The following HOXD11 variants were observed in gnomAD, a reference collection of about 807,000 sequenced individuals.
HOXD11 encodes homeobox protein Hox-D11.
A neutral mutation model predicts 23.1 loss-of-function variants in HOXD11; 16 were observed. That is an observed-to-expected ratio of 0.69 (90% CI 0.47 to 1.05). HOXD11 has a LOEUF of 1.05. HOXD11 is among the 50% of genes least tolerant of loss of function. HOXD11 has a pLI of 0.00. For synonymous variants in HOXD11, 262 were observed against 224.4 expected (o/e 1.17, Z -1.50); for missense variants, 564 against 495.6 (o/e 1.14, Z -1.31).
At chr2:176,110,591 G>A (rs1689660010), downstream of HOXD11, among the ~76,000 whole-genome samples, 1 of 152,164 alleles carries the variant, frequency 6.6e-6, no homozygotes, top group African/African-American at 2.4e-5. Flanking sequence ...GAAAAAATAA[G>A]TGCATAAATG....
chr2:176,115,163 G>C, the HOXD11 span, among the ~76,000 whole-genome samples: 1 of 152,180 alleles, frequency 6.6e-6, no homozygotes, highest in Admixed American at 6.5e-5. Flanking sequence ...TGGTAGTGGT[G>C]GTAGTGGTGG....
In HOXD11 at chr2:176,108,042, C is replaced by A; in HGVS notation, c.687C>A (p.Thr229=). ...GGGGCAGTCCCTGCACCAAGGCGAC[C>A]CCTGGCTCGGAGCCCAAGGGGGCAG... ...GGGGSPCTKA[T]PGSEPKGAAE... is the part of the protein sequence containing the mutation. Residue 229 remains threonine, a synonymous_variant, in exon 1 of 2, where the codon ACC becomes ACA. Coordinates refer to ENST00000249504, the MANE Select transcript of HOXD11 (RefSeq NM_021192.3). 2.0e-6 allele frequency: 3 copies of A among 1,490,138 alleles called. No individual in the cohort carries two copies. The highest frequency in any genetic ancestry group is 2.7e-6 in the Non-Finnish European group (3 of 1,125,774). 92.3% of individuals were successfully genotyped at this position (1,490,138 alleles called of 1,614,324 possible). A position where few individuals can be genotyped will look rare whatever the true frequency, so the allele number is the denominator to read the frequency against.
chr2:176,107,768 A>T lies in HOXD11; in HGVS notation c.413A>T (p.Asp138Val). 1 of 1,267,604 alleles carries T rather than the reference A, an allele frequency of 7.9e-7. No individual in the cohort carries two copies. Among genetic ancestry groups the T allele is most frequent in the Non-Finnish European group, 9.9e-7 (1 of 1,009,318 alleles). 78.5% of individuals were successfully genotyped at this position (1,267,604 alleles called of 1,614,324 possible). ...ELLPPAGRRP[D>V]VLFKAPEPVC... ...CTCCCGCCCGCGGGCCGCCGGCCGG[A>T]CGTGCTCTTCAAGGCGCCTGAGCCG... Residue 138 changes from aspartate to valine, a missense_variant, in exon 1 of 2, where the codon GAC (aspartate) becomes GTC (valine). Transcript: ENST00000249504.
downstream of HOXD11, among the ~76,000 whole-genome samples, chr2:176,110,659 A>G (rs893714684): frequency 3.9e-5 from 6 of 152,170 alleles, no homozygotes; most frequent in Admixed American, 3.9e-4. Flanking sequence ...CTGAATAATT[A>G]GGCGCCTTAA....
downstream of HOXD11, among the ~76,000 whole-genome samples, chr2:176,114,257 C>A (rs1057463475): frequency 6.6e-6 from 1 of 152,268 alleles, no homozygotes; most frequent in Non-Finnish European, 1.5e-5. Flanking sequence ...AAGCAAATTT[C>A]AGGGCGCTGG....
At chr2:176,108,856 G>A (rs1185894178) in intron 1 of HOXD11, 51 bp from the exon 2 acceptor site, 2 of 1,370,210 alleles carry the variant, frequency 1.5e-6, no homozygotes, top group Non-Finnish European at 2.1e-6. Flanking sequence ...CGGGCGGGTG[G>A]GGGCTGTCAG....
In HOXD11 at chr2:176,109,477, T is replaced by A; in HGVS notation, c.*335T>A. 1 of 313,330 alleles carries A rather than the reference T, an allele frequency of 3.2e-6. No homozygotes were observed. The highest frequency in any genetic ancestry group is 5.9e-6 in the Non-Finnish European group (1 of 168,496). The allele number at this position is 313,330 out of a possible 1,614,324, so 19.4% of individuals were successfully genotyped here. Reference sequence around the variant, plus strand: ...TAGGAAGTTGGGCCGGGTTGGGGGTTGCTAGAAGGCGCTGGTGTTTTGCTC... The same window carrying A: ...TAGGAAGTTGGGCCGGGTTGGGGGTAGCTAGAAGGCGCTGGTGTTTTGCTC... On this transcript the variant is annotated 3_prime_UTR_variant, in exon 2 of 2. Coordinates refer to ENST00000249504, the MANE Select transcript of HOXD11 (RefSeq NM_021192.3).
downstream of HOXD11, among the ~76,000 whole-genome samples, chr2:176,113,097 C>T (rs1026407711): frequency 2.6e-5 from 4 of 152,180 alleles, no homozygotes; most frequent in Non-Finnish European, 4.4e-5. Flanking sequence ...TGGTAGACTC[C>T]CCATTTGCCC....
Position 176,107,493 on chromosome 2 carries a change from C to G in HOXD11, c.138C>G (p.Pro46=). The change falls in exon 1 of 2, where the codon CCC becomes CCG. Residue 46 remains proline (P), a synonymous_variant. Coordinates refer to ENST00000249504, the MANE Select transcript of HOXD11 (RefSeq NM_021192.3). ...SQPSSCQMTF[P]YSSNLAPHVQ... ...CGTCGTCCTGCCAGATGACTTTCCC[C>G]TACTCTTCCAACCTGGCTCCGCACG... The G allele has an allele frequency of 6.2e-7, 1 of 1,613,992 alleles. No homozygotes were observed. The highest frequency in any genetic ancestry group is 8.5e-7 in the Non-Finnish European group (1 of 1,179,906).
chr2:176,111,108 ATATAGT>A (rs1689666503), downstream of HOXD11, among the ~76,000 whole-genome samples: 1 of 152,216 alleles, frequency 6.6e-6, no homozygotes. Flanking sequence ...ACAAAAGGAA[ATATAGT>A]TATAATGCTT....
At chr2:176,111,840 A>AAAAAAAAAAAAAAAAAAC (rs1553518459), downstream of HOXD11, among the ~76,000 whole-genome samples, 7 of 140,852 alleles carry the variant, frequency 5.0e-5, no homozygotes, top group Non-Finnish European at 9.5e-5. Context: ...AAAAAAAAAA[A>AAAAAAAAAAAAAAAAAAC]AAAAAAAAAC....
At chr2:176,115,218 T>C in the HOXD11 span, among the ~76,000 whole-genome samples, 23 of 152,224 alleles carry the variant, frequency 1.5e-4, no homozygotes, top group African/African-American at 5.1e-4. Context: ...ATCCTCTTCA[T>C]AGAAGTTTCC....
downstream of HOXD11, among the ~76,000 whole-genome samples, chr2:176,114,744 A>G (rs1377847919): frequency 1.3e-5 from 2 of 152,198 alleles, no homozygotes; most frequent in Non-Finnish European, 2.9e-5. Flanking sequence ...GCTTTAATGA[A>G]CCTCAGGCCC....
chr2:176,108,679 GT>G, intron 1 of HOXD11: 1 of 571,390 alleles, frequency 1.8e-6, no homozygotes, highest in Non-Finnish European at 3.1e-6. Flanking sequence ...GTGTGTGTGT[GT>G]GTGTGTGTGT....
At position 176,108,919 on chromosome 2, in the gene HOXD11, G is replaced by T. The variant is rs1199977178; in HGVS notation, c.794G>T (p.Arg265Leu). 1.9e-6 allele frequency: 3 copies of T among 1,613,550 alleles called. No individual in the cohort carries two copies. The highest frequency in any genetic ancestry group is 1.3e-5 in the African/African-American group (1 of 75,002). The change falls in exon 2 of 2, where the codon CGG (arginine) becomes CTG (leucine). Residue 265 changes from arginine to leucine, a missense_variant. By Grantham distance (102) the Arg-to-Leu change is moderately radical. Coordinates refer to ENST00000249504, the MANE Select transcript of HOXD11 (RefSeq NM_021192.3). ...EKSSSAVAPQRSRKKRCPYTK... is the reference protein window; with the variant it reads ...EKSSSAVAPQLSRKKRCPYTK... ...CTTTGCCTTGCAGTTGCCCCCCAGC[G>T]GTCCCGGAAAAAGCGCTGTCCCTAT...
chr2:176,113,082 A>G (rs998054564), downstream of HOXD11, among the ~76,000 whole-genome samples: 2 of 152,122 alleles, frequency 1.3e-5, no homozygotes, highest in Non-Finnish European at 2.9e-5. Context: ...CCCTTATTGC[A>G]TTGGTGGTAG....
downstream of HOXD11, among the ~76,000 whole-genome samples, chr2:176,114,497 T>TTTA (rs1689720571): frequency 6.6e-6 from 1 of 151,674 alleles, no homozygotes; most frequent in African/African-American, 2.4e-5. Context: ...AACAGCTGCG[T>TTTA]AAAGGTTTAA....
Position 176,108,971 on chromosome 2 carries a change from A to T in HOXD11, c.846A>T (p.Glu282Asp), listed in dbSNP as rs1412190998. Residue 282 changes from glutamate (E) to aspartate (D), a missense_variant, in exon 2 of 2, where the codon GAA (glutamate) becomes GAT (aspartate). Transcript: ENST00000249504. ...PYTKYQIREL[E>D]REFFFNVYIN... The stretch of plus-strand genomic sequence containing the variant: ...CCAAGTACCAGATCCGCGAACTGGA[A>T]CGCGAGTTTTTCTTTAACGTGTACA... 78 of 1,614,104 alleles carry T rather than the reference A, an allele frequency of 4.8e-5. No individual in the cohort carries two copies. Among genetic ancestry groups the T allele is most frequent in the Non-Finnish European group, 6.4e-5 (75 of 1,180,040 alleles).
In HOXD11 at chr2:176,107,494, T is replaced by A. The variant is rs1689594733; in HGVS notation, c.139T>A (p.Tyr47Asn). 6.2e-7 allele frequency: 1 copy of A among 1,613,696 alleles called. No individual in the cohort carries two copies. ...GTCGTCCTGCCAGATGACTTTCCCC[T>A]ACTCTTCCAACCTGGCTCCGCACGT... is the stretch of plus-strand genomic sequence containing the variant. ...QPSSCQMTFP[Y>N]SSNLAPHVQP... The change falls in exon 1 of 2, where the codon TAC becomes AAC. Residue 47 changes from tyrosine (Y) to asparagine (N), a missense_variant. Transcript: ENST00000249504.
Sources: allele counts gnomAD v4.1 joint callset (sites outside exome capture counted in the v4.1 genomes callset), GRCh38; gene constraint gnomAD v4.1.1; transcripts MANE v1.5; gene names NCBI Gene and HGNC (gene_info 2026-07-23, HGNC 2026-07-21).